Variants in RIMS4 observed in about 807,000 individuals in gnomAD.
The protein encoded by RIMS4 is regulating synaptic membrane exocytosis 4, also known as regulating synaptic membrane exocytosis protein 4.
A neutral mutation model predicts 29.0 loss-of-function variants in RIMS4; 9 were observed. The ratio of observed to expected loss-of-function variants is 0.31; its 90% confidence interval spans 0.19 to 0.54. The LOEUF (loss-of-function observed/expected upper bound fraction) is 0.54, where lower values mean the gene tolerates loss of function less well. Among genes scored for constraint, RIMS4 ranks in the 20% least tolerant of loss-of-function variants. The pLI is 0.94. For missense variants in RIMS4, 193 were observed against 365.7 expected (o/e 0.53, Z 3.85); for synonymous variants, 130 against 152.9 (o/e 0.85, Z 1.10).
chr20:44,804,423 G>A (rs897274731), intron 1 of RIMS4, among the ~76,000 whole-genome samples: 1 of 152,188 alleles, frequency 6.6e-6, no homozygotes, highest in Non-Finnish European at 1.5e-5. Flanking sequence ...GAGGAATGCA[G>A]AATGGGAGAA....
chr20:44,783,062 G>A (rs1293237788), intron 1 of RIMS4, among the ~76,000 whole-genome samples: 1 of 152,222 alleles, frequency 6.6e-6, no homozygotes, highest in African/African-American at 2.4e-5. Flanking sequence ...CTCTGAGATA[G>A]AGAGTAGTGT....
At chr20:44,771,482 C>A (rs1470422648) in intron 1 of RIMS4, 69 bp from the exon 2 acceptor site, 2 of 1,537,932 alleles carry the variant, frequency 1.3e-6, no homozygotes, top group Admixed American at 3.5e-5. Context: ...AGAGAAGAGT[C>A]ATCTGGTTAG....
intron 1 of RIMS4, among the ~76,000 whole-genome samples, chr20:44,807,044 G>C (rs762845617): frequency 6.6e-6 from 1 of 151,338 alleles, no homozygotes; most frequent in Non-Finnish European, 1.5e-5. Flanking sequence ...ACTCCTCCCC[G>C]ATTACAAACC....
intron 2 of RIMS4, among the ~76,000 whole-genome samples, chr20:44,766,491 G>A (rs1012238518): frequency 3.9e-5 from 6 of 152,172 alleles, no homozygotes; most frequent in African/African-American, 1.4e-4. Flanking sequence ...AAAGTCAGAA[G>A]AATAAGTGCT....
intron 1 of RIMS4, among the ~76,000 whole-genome samples, chr20:44,785,987 G>C (rs2066206890): frequency 6.6e-6 from 1 of 152,130 alleles, no homozygotes; most frequent in Non-Finnish European, 1.5e-5. Flanking sequence ...CCTTCCAGCT[G>C]TGACATTCCA....
chr20:44,806,219 C>T (rs1456735547), intron 1 of RIMS4, among the ~76,000 whole-genome samples: 1 of 152,210 alleles, frequency 6.6e-6, no homozygotes, highest in Non-Finnish European at 1.5e-5. Context: ...AGGGGGAGAA[C>T]TGGACGCTGA....
chr20:44,794,079 A>G (rs1391849040), intron 1 of RIMS4, among the ~76,000 whole-genome samples: 1 of 152,176 alleles, frequency 6.6e-6, no homozygotes, highest in East Asian at 1.9e-4. Context: ...CTAAAAATAA[A>G]GGCAGGAATG....
chr20:44,756,675 C>T lies in RIMS4; in HGVS notation c.591+223G>A, dbSNP rs138748691. ...ATCAGGTAGGTACTATTAGGGTCCC[C>T]GCTTTACAGATGAAGGAACTGAGGG... On this transcript the variant is annotated intron_variant, in intron 5 of 5. Coordinates refer to ENST00000372851, the MANE Select transcript of RIMS4 (RefSeq NM_182970.4). The surrounding 1 kb of genome is among the most constrained non-coding windows in gnomAD (Gnocchi z 5.9). Among the ~76,000 whole-genome samples, 240 of 152,236 alleles carry T rather than the reference C, an allele frequency of 1.6e-3. 1 individual carries two copies. Among genetic ancestry groups the T allele is most frequent in the Non-Finnish European group, 2.7e-3 (185 of 68,008 alleles).
chr20:44,789,415 G>A lies in RIMS4; in HGVS notation c.98-18002C>T, dbSNP rs188870416. Reference sequence around the variant, plus strand: ...CAGTTCACACCATTCTCCTGCCTCCGCCTCCTGAGTAGCTGGGACGGCAGG... The same window carrying A: ...CAGTTCACACCATTCTCCTGCCTCCACCTCCTGAGTAGCTGGGACGGCAGG... On this transcript the variant is annotated intron_variant, in intron 1 of 5. Coordinates refer to ENST00000372851, the MANE Select transcript of RIMS4 (RefSeq NM_182970.4). Among the ~76,000 whole-genome samples the A allele has an allele frequency of 3.3e-5, 5 of 152,142 alleles. 1 individual carries two copies. Among genetic ancestry groups the A allele is most frequent in the Admixed American group, 1.3e-4 (2 of 15,280 alleles).
At chr20:44,762,888 A>G (rs910990721) in intron 2 of RIMS4, among the ~76,000 whole-genome samples, 19 of 152,188 alleles carry the variant, frequency 1.2e-4, no homozygotes, top group African/African-American at 4.6e-4. Context: ...GACCTCTGAC[A>G]AGTTGTTATT....
At chr20:44,803,683 G>C (rs376659111) in intron 1 of RIMS4, among the ~76,000 whole-genome samples, 123 of 152,266 alleles carry the variant, frequency 8.1e-4, no homozygotes, top group African/African-American at 2.8e-3. Flanking sequence ...AAAAGGGGAG[G>C]GGGGATGGCG....
rs190926230 is a variant in RIMS4 at position 44,764,832 on chromosome 20, T to C, written c.236+6443A>G. Among the ~76,000 whole-genome samples, 284 of 152,348 alleles carry C rather than the reference T, an allele frequency of 1.9e-3. 1 individual carries two copies. The highest frequency in any genetic ancestry group is 3.3e-3 in the Non-Finnish European group (226 of 68,020). On this transcript the variant is annotated intron_variant, in intron 2 of 5. Coordinates refer to ENST00000372851, the MANE Select transcript of RIMS4 (RefSeq NM_182970.4). Reference sequence around the variant, plus strand: ...AAATTCTCGTTTTCAAAACAAGTACTGTAGCAGAATTGCCCTGTGCCAGGA... The same window carrying C: ...AAATTCTCGTTTTCAAAACAAGTACCGTAGCAGAATTGCCCTGTGCCAGGA...
chr20:44,783,886 A>C (rs1240927899), intron 1 of RIMS4, among the ~76,000 whole-genome samples: 2 of 152,194 alleles, frequency 1.3e-5, no homozygotes, highest in Admixed American at 6.5e-5. Flanking sequence ...TCTACAATTG[A>C]CTGTGGTGAT....
At chr20:44,765,291 A>ATTT (rs2066108872) in intron 2 of RIMS4, among the ~76,000 whole-genome samples, 1 of 152,144 alleles carries the variant, frequency 6.6e-6, no homozygotes, top group African/African-American at 2.4e-5. Flanking sequence ...TGCAGGTCAA[A>ATTT]GCTACGGGGT....
intron 1 of RIMS4, among the ~76,000 whole-genome samples, chr20:44,786,343 A>C (rs1415102366): frequency 6.6e-6 from 1 of 151,580 alleles, no homozygotes; most frequent in East Asian, 1.9e-4. Flanking sequence ...AAGGTTCCTC[A>C]CCTCCCGTGT....
intron 1 of RIMS4, 31 bp downstream of exon 1, chr20:44,810,144 C>T (rs1483541558): frequency 3.7e-6 from 5 of 1,334,286 alleles, no homozygotes; most frequent in African/African-American, 3.0e-5. Flanking sequence ...CGGGACACCC[C>T]GGGGGTCTGG....
chr20:44,779,771 T>A (rs995264148), intron 1 of RIMS4, among the ~76,000 whole-genome samples: 1 of 152,106 alleles, frequency 6.6e-6, no homozygotes, highest in Non-Finnish European at 1.5e-5. Flanking sequence ...TACCTAGGAG[T>A]GCAGCTGCTG....
chr20:44,787,328 CGATGT>C (rs1200468544), intron 1 of RIMS4, among the ~76,000 whole-genome samples: 24 of 152,190 alleles, frequency 1.6e-4, no homozygotes, highest in African/African-American at 5.1e-4. Flanking sequence ...ATGACAATGA[CGATGT>C]GATGATAAAA....
chr20:44,809,648 T>A (rs569541309), intron 1 of RIMS4, among the ~76,000 whole-genome samples: 2 of 151,794 alleles, frequency 1.3e-5, no homozygotes, highest in Non-Finnish European at 2.9e-5. Context: ...CCCCAGCCCA[T>A]GAGGGAAGGA....
Sources: gnomAD v4.1 joint callset for allele counts (sites outside exome capture counted in the v4.1 genomes callset) on GRCh38, gnomAD v4.1.1 for gene constraint, Gnocchi (gnomAD v3.1) non-coding constraint, MANE v1.5 for transcripts, NCBI Gene and HGNC (gene_info 2026-07-23, HGNC 2026-07-21) for gene names.